The following BAHCC1 variants were observed in gnomAD, a reference collection of about 807,000 sequenced individuals.
The protein encoded by BAHCC1 is BAH domain and coiled-coil containing 1.
Under a neutral mutation model 88.2 loss-of-function variants are expected in BAHCC1, and 43 were observed. The ratio of observed to expected loss-of-function variants is 0.49; its 90% confidence interval spans 0.38 to 0.63. The LOEUF is 0.63. Ranked by LOEUF, BAHCC1 falls within the 20% of genes least tolerant of loss-of-function variation. BAHCC1 has a pLI of 0.00. For synonymous variants in BAHCC1, 1,510 were observed against 745.5 expected (o/e 2.03, Z -16.71); for missense variants, 3,023 against 1,654.8 (o/e 1.83, Z -14.34).
intron 2 of BAHCC1, among the ~76,000 whole-genome samples, chr17:81,425,168 T>G (rs1714483306): frequency 2.0e-5 from 2 of 102,280 alleles, no homozygotes; most frequent in African/African-American, 3.9e-5. Flanking sequence ...GGTGTTGTGG[T>G]TGGTGGTGAT....
chr17:81,418,796 C>CGCGCATGTGTGT (rs1555649116), intron 2 of BAHCC1, among the ~76,000 whole-genome samples: 1 of 144,800 alleles, frequency 6.9e-6, no homozygotes, highest in Non-Finnish European at 1.5e-5. Context: ...TACGTGTGTG[C>CGCGCATGTGTGT]GTGTGTGTGT....
rs782411538 is a variant in BAHCC1, at chr17:81,442,555, C to T, written c.1206C>T (p.Ala402=). The T allele has an allele frequency of 1.2e-5, 9 of 743,722 alleles. No individual in the cohort carries two copies. Among genetic ancestry groups the T allele is most frequent in the South Asian group, 5.6e-5 (4 of 70,848 alleles). 46.1% of individuals were successfully genotyped at this position (743,722 alleles called of 1,614,324 possible). A position where few individuals can be genotyped will look rare whatever the true frequency, so the allele number is the denominator to read the frequency against. ...PTFVPSVGHL[A]DKGRPFQAAE... is the part of the protein sequence containing the mutation. ...TCGTGCCTTCTGTGGGACACCTGGCCGACAAGGGCCGCCCCTTCCAGGCCG... is the reference window on the plus strand; with the variant it reads ...TCGTGCCTTCTGTGGGACACCTGGCTGACAAGGGCCGCCCCTTCCAGGCCG... Residue 402 remains alanine, a synonymous_variant, in exon 5 of 28, where the codon GCC becomes GCT. Transcript: ENST00000675386.
chr17:81,414,598 C>T (rs1157716733), intron 2 of BAHCC1, among the ~76,000 whole-genome samples: 1 of 152,192 alleles, frequency 6.6e-6, no homozygotes, highest in East Asian at 1.9e-4. Flanking sequence ...GTTTTTACCT[C>T]AGAGGCTGAG....
chr17:81,413,786 C>A (rs1013776573), intron 2 of BAHCC1, among the ~76,000 whole-genome samples: 1 of 152,332 alleles, frequency 6.6e-6, no homozygotes, highest in East Asian at 1.9e-4. Flanking sequence ...AGCAACTGTT[C>A]GTGTACCAGC....
At chr17:81,462,499 T>A (rs898628714) in intron 26 of BAHCC1, 2 of 552,372 alleles carry the variant, frequency 3.6e-6, no homozygotes, top group Non-Finnish European at 3.2e-6. Context: ...CTGTCCCAGA[T>A]CCAGTGTCCA....
rs560198639 is a variant in BAHCC1, at chr17:81,416,406, G to A, written c.179-10394G>A. Among the ~76,000 whole-genome samples the A allele has an allele frequency of 3.3e-4, 40 of 123,060 alleles. 1 individual carries two copies. Among genetic ancestry groups the A allele is most frequent in the Non-Finnish European group, 5.6e-4 (34 of 60,200 alleles). 80.7% of individuals were successfully genotyped at this position (123,060 alleles called of 152,430 possible). A position where few individuals can be genotyped will look rare whatever the true frequency, so the allele number is the denominator to read the frequency against. On this transcript the variant is annotated intron_variant, in intron 2 of 27. Coordinates refer to ENST00000675386, the MANE Select transcript of BAHCC1 (RefSeq NM_001377448.1). ...AGGATGGGTGTATGCGCGTGTGTAC[G>A]TGTATGTGTGTCCATGAGGGTGGGT...
intron 2 of BAHCC1, chr17:81,410,144 TG>T: frequency 3.8e-6 from 1 of 265,160 alleles, no homozygotes; most frequent in Non-Finnish European, 8.1e-6. Flanking sequence ...AGGAGCACTG[TG>T]GCCGTCCGTG....
At chr17:81,422,180 T>C (rs1219382150) in intron 2 of BAHCC1, among the ~76,000 whole-genome samples, 1 of 152,002 alleles carries the variant, frequency 6.6e-6, no homozygotes, top group Non-Finnish European at 1.5e-5. Flanking sequence ...CCCGGATAAT[T>C]TCTGTATTTT....
chr17:81,400,262 C>A (rs974721215), intron 2 of BAHCC1, among the ~76,000 whole-genome samples: 9 of 152,224 alleles, frequency 5.9e-5, no homozygotes, highest in African/African-American at 1.9e-4. Flanking sequence ...CATTCACCTC[C>A]CTAAGACGTT....
Position 81,399,727 on chromosome 17 carries a change from G to A in BAHCC1, c.-13G>A. The stretch of plus-strand genomic sequence containing the variant: ...TCCGAGGAAGCGGCGGCGGACCGGG[G>A]CCGGGGCCCGGCATGGATGGCCGCG... On this transcript the variant is annotated 5_prime_UTR_variant, in exon 2 of 28. Transcript: ENST00000675386. This position sits in a 1 kb window ranked among gnomAD's most constrained non-coding sequence, Gnocchi z 4.5. 1 of 1,074,826 alleles carries A rather than the reference G, an allele frequency of 9.3e-7. No homozygotes were observed. Among genetic ancestry groups the A allele is most frequent in the Non-Finnish European group, 1.1e-6 (1 of 890,334 alleles). The allele number at this position is 1,074,826 out of a possible 1,614,324, so 66.6% of individuals were successfully genotyped here.
At chr17:81,457,110 G>A (rs1406704710) in intron 16 of BAHCC1, among the ~76,000 whole-genome samples, 4 of 152,134 alleles carry the variant, frequency 2.6e-5, no homozygotes, top group Non-Finnish European at 5.9e-5. Context: ...GCGGAGGACA[G>A]CAGAAAAAGG....
In BAHCC1 at chr17:81,445,093, G is replaced by A. The variant is rs555493054; in HGVS notation, c.2750G>A (p.Gly917Asp). The change falls in exon 9 of 28, where the codon GGC becomes GAC. Residue 917 changes from glycine to aspartate, a missense_variant. Gly to Asp is a moderately conservative substitution (Grantham distance 94). Transcript: ENST00000675386. ...RGPASHMQHP[G>D]QLPVYSRPQL... ...CCCGCCTCTCACATGCAGCACCCGG[G>A]CCAGCTCCCTGTGTACTCGAGGCCG... 1.3e-6 allele frequency: 1 copy of A among 771,344 alleles called. No individual in the cohort carries two copies. The highest frequency in any genetic ancestry group is 1.4e-5 in the South Asian group (1 of 72,934). 47.8% of individuals were successfully genotyped at this position (771,344 alleles called of 1,614,324 possible).
intron 2 of BAHCC1, among the ~76,000 whole-genome samples, chr17:81,403,786 C>G (rs3816662): frequency 0.24 from 36,066 of 152,114 alleles, 5,495 homozygotes; most frequent in East Asian, 0.57. Context: ...AAAGTTGCCG[C>G]GAGCCCAAAG....
chr17:81,444,967 G>A, intron 8 of BAHCC1, 48 bp from the exon 9 acceptor site: 2 of 700,218 alleles, frequency 2.9e-6, no homozygotes, highest in Non-Finnish European at 2.6e-6. Context: ...CAGCCCCGGA[G>A]CTGTCCCCTC....
Position 81,447,656 on chromosome 17 carries a change from G to A in BAHCC1, c.3784G>A (p.Ala1262Thr). The A allele has an allele frequency of 1.4e-6, 1 of 739,602 alleles. No homozygotes were observed. Among genetic ancestry groups the A allele is most frequent in the Non-Finnish European group, 2.5e-6 (1 of 398,264 alleles). 45.8% of individuals were successfully genotyped at this position (739,602 alleles called of 1,614,324 possible). A position where few individuals can be genotyped will look rare whatever the true frequency, so the allele number is the denominator to read the frequency against. ...ACCCAGGGCGCTACCAGGCCTGGAT[G>A]CCTTGGTGGCCGCCACCATCAACCT... ...HPPRALPGLD[A>T]LVAATINLGD... Residue 1262 changes from alanine (A) to threonine (T), a missense_variant, in exon 11 of 28, where the codon GCC (alanine) becomes ACC (threonine). Coordinates refer to ENST00000675386, the MANE Select transcript of BAHCC1 (RefSeq NM_001377448.1).
rs1555657565 is a variant in BAHCC1 at position 81,457,402 on chromosome 17, T to A, written c.4859-8T>A. On this transcript the variant is annotated splice_polypyrimidine_tract_variant and splice_region_variant and intron_variant, in intron 16 of 27. Transcript: ENST00000675386. Reference sequence around the variant, plus strand: ...CAAGTCATCAGGACCCCTCTGCCTCTCTCCCAGGCAGTGGCTATGACAGTG... The same window carrying A: ...CAAGTCATCAGGACCCCTCTGCCTCACTCCCAGGCAGTGGCTATGACAGTG... 1.3e-6 allele frequency: 1 copy of A among 764,510 alleles called. No individual in the cohort carries two copies. The highest frequency in any genetic ancestry group is 1.4e-5 in the South Asian group (1 of 71,924). The allele number at this position is 764,510 out of a possible 1,614,324, so 47.4% of individuals were successfully genotyped here. A position where few individuals can be genotyped will look rare whatever the true frequency, so the allele number is the denominator to read the frequency against.
chr17:81,446,393 T>A (rs1169836521), intron 10 of BAHCC1, among the ~76,000 whole-genome samples: 1 of 151,946 alleles, frequency 6.6e-6, no homozygotes, highest in African/African-American at 2.4e-5. Context: ...TTCCCCCTTT[T>A]CTGGTTACCC....
chr17:81,438,593 C>G, intron 4 of BAHCC1, 101 bp downstream of exon 4: 1 of 689,458 alleles, frequency 1.5e-6, no homozygotes, highest in Non-Finnish European at 2.7e-6. Context: ...CCTAGGTTAG[C>G]CCTCCCACCA....
intron 2 of BAHCC1, among the ~76,000 whole-genome samples, chr17:81,413,837 C>A (rs2063986209): frequency 6.6e-6 from 1 of 152,252 alleles, no homozygotes; most frequent in South Asian, 2.1e-4. Context: ...GCAGGGCTCG[C>A]TATGGGGTGC....
Sources: allele counts gnomAD v4.1 joint callset (sites outside exome capture counted in the v4.1 genomes callset), GRCh38; gene constraint gnomAD v4.1.1; non-coding constraint Gnocchi (gnomAD v3.1); transcripts MANE v1.5; gene names NCBI Gene and HGNC (gene_info 2026-07-23, HGNC 2026-07-21).